SH3GL2: variants seen among roughly 807,000 people sequenced by gnomAD.
SH3GL2 encodes SH3 domain containing GRB2 like 2, endophilin A1.
SH3GL2 carries 24 observed loss-of-function variants against 46.0 expected under a neutral mutation model. The ratio of observed to expected loss-of-function variants is 0.52; its 90% CI spans 0.38 to 0.73. The LOEUF (loss-of-function observed/expected upper bound fraction) is 0.73. Ranked by LOEUF, SH3GL2 falls within the 30% of genes least tolerant of loss-of-function variation. SH3GL2 has a pLI of 0.00. For synonymous variants in SH3GL2, 196 were observed against 147.1 expected, an observed-to-expected ratio of 1.33 and a Z score of -2.40; for missense variants, 413 against 424.2, an observed-to-expected ratio of 0.97 and a Z score of 0.23.
At chr9:17,701,530 C>T (rs370669350) in intron 1 of SH3GL2, among the ~76,000 whole-genome samples, 1 of 151,930 alleles carries the variant, frequency 6.6e-6, no homozygotes, top group East Asian at 1.9e-4. Flanking sequence ...AAATAATTAC[C>T]GTCATTCGAT....
intron 1 of SH3GL2, among the ~76,000 whole-genome samples, chr9:17,601,400 A>G (rs1203882407): frequency 6.6e-6 from 1 of 152,074 alleles, no homozygotes; most frequent in African/African-American, 2.4e-5. Flanking sequence ...TTCATGACTC[A>G]TGTTTCCGTT....
At chr9:17,648,968 A>G (rs549662287) in intron 1 of SH3GL2, among the ~76,000 whole-genome samples, 3 of 152,346 alleles carry the variant, frequency 2.0e-5, no homozygotes, top group South Asian at 2.1e-4. Flanking sequence ...GATCTTATCT[A>G]TCTCTGAATA....
chr9:17,756,394 T>G (rs1382827871), intron 2 of SH3GL2, among the ~76,000 whole-genome samples: 1 of 152,030 alleles, frequency 6.6e-6, no homozygotes, highest in East Asian at 1.9e-4. Flanking sequence ...GTTACATATG[T>G]ATACATGTGC....
chr9:17,713,087 A>G (rs1415526623), intron 1 of SH3GL2, among the ~76,000 whole-genome samples: 1 of 150,962 alleles, frequency 6.6e-6, no homozygotes, highest in African/African-American at 2.4e-5. Flanking sequence ...TTTTTTTTAA[A>G]TCAAAAGTAG....
intron 1 of SH3GL2, among the ~76,000 whole-genome samples, chr9:17,631,488 C>T (rs146535379): frequency 1.5e-3 from 221 of 152,276 alleles, no homozygotes; most frequent in African/African-American, 5.2e-3. Flanking sequence ...AACAAGATTT[C>T]TGGCAGTTCT....
chr9:17,771,383 A>G (rs1823476506), intron 3 of SH3GL2, among the ~76,000 whole-genome samples: 1 of 152,140 alleles, frequency 6.6e-6, no homozygotes, highest in Non-Finnish European at 1.5e-5. Flanking sequence ...AATATTATGC[A>G]CCTTCCTTTC....
intron 1 of SH3GL2, among the ~76,000 whole-genome samples, chr9:17,664,158 G>T (rs1450028103): frequency 6.6e-6 from 1 of 152,184 alleles, no homozygotes; most frequent in Non-Finnish European, 1.5e-5. Context: ...TAAAGAAATA[G>T]TTGGAGTGCT....
At chr9:17,700,868 C>A (rs1821327724) in intron 1 of SH3GL2, among the ~76,000 whole-genome samples, 1 of 152,118 alleles carries the variant, frequency 6.6e-6, no homozygotes, top group Non-Finnish European at 1.5e-5. Context: ...ATGGCAAAAA[C>A]TGCAATTATG....
chr9:17,584,550 G>A (rs144389817), intron 1 of SH3GL2, among the ~76,000 whole-genome samples: 1 of 152,134 alleles, frequency 6.6e-6, no homozygotes, highest in African/African-American at 2.4e-5. Flanking sequence ...GAAAGTGGAT[G>A]TTTCTTACAA....
At chr9:17,755,801 C>G (rs936165779) in intron 2 of SH3GL2, 1 of 983,936 alleles carries the variant, frequency 1.0e-6, no homozygotes, top group South Asian at 4.7e-5. Flanking sequence ...CACCTAAGTT[C>G]AGGAAATACC....
chr9:17,687,513 A>G (rs1563812646), intron 1 of SH3GL2, among the ~76,000 whole-genome samples: 1 of 151,958 alleles, frequency 6.6e-6, no homozygotes, highest in Non-Finnish European at 1.5e-5. Flanking sequence ...AAAAAATTTC[A>G]ATTGTAAATA....
At chr9:17,749,092 T>C (rs1440001739) in intron 2 of SH3GL2, among the ~76,000 whole-genome samples, 1 of 152,142 alleles carries the variant, frequency 6.6e-6, no homozygotes, top group Non-Finnish European at 1.5e-5. Flanking sequence ...CCTTCAGAAG[T>C]CTGGAAAACC....
intron 1 of SH3GL2, among the ~76,000 whole-genome samples, chr9:17,724,528 C>T (rs913820654): frequency 6.6e-6 from 1 of 152,010 alleles, no homozygotes; most frequent in African/African-American, 2.4e-5. Flanking sequence ...CATCCCCCCT[C>T]CCCCCGTGTA....
intron 1 of SH3GL2, among the ~76,000 whole-genome samples, chr9:17,670,374 A>G (rs943163154): frequency 6.6e-6 from 1 of 152,172 alleles, no homozygotes; most frequent in African/African-American, 2.4e-5. Context: ...CTGTGCCCTC[A>G]CTATCTGCCT....
intron 2 of SH3GL2, among the ~76,000 whole-genome samples, chr9:17,759,937 A>G (rs1188704754): frequency 6.6e-6 from 1 of 152,216 alleles, no homozygotes; most frequent in Non-Finnish European, 1.5e-5. Flanking sequence ...GAGTTTCAGC[A>G]TATTTGTTCC....
At chr9:17,698,278 A>G (rs750887768) in intron 1 of SH3GL2, among the ~76,000 whole-genome samples, 3 of 152,146 alleles carry the variant, frequency 2.0e-5, no homozygotes, top group African/African-American at 4.8e-5. Flanking sequence ...CTGCCTCTGA[A>G]TTTCTGACTC....
intron 1 of SH3GL2, among the ~76,000 whole-genome samples, chr9:17,653,078 C>A (rs1313633241): frequency 1.3e-5 from 2 of 152,126 alleles, no homozygotes; most frequent in African/African-American, 2.4e-5. Context: ...CTGGTTGAAT[C>A]ATGGTTTTCT....
intron 1 of SH3GL2, among the ~76,000 whole-genome samples, chr9:17,657,113 G>T (rs1820103327): frequency 1.3e-5 from 2 of 152,170 alleles, no homozygotes; most frequent in Non-Finnish European, 2.9e-5. Flanking sequence ...ATAGAGAAAA[G>T]TAGTCTGAAA....
rs532674858 is a variant in SH3GL2 at position 17,677,933 on chromosome 9, C to T, written c.46-69133C>T. On this transcript the variant is annotated intron_variant, in intron 1 of 8. Coordinates refer to ENST00000380607, the MANE Select transcript of SH3GL2 (RefSeq NM_003026.5). ...TGAGAATGATGGTTTCCAGCTTCAT[C>T]CATGTCCCTACAAAGGACATGAACT... Among the ~76,000 whole-genome samples, 19 of 152,238 alleles carry T rather than the reference C, an allele frequency of 1.2e-4. No homozygotes were observed. The South Asian group carries it at 3.7e-3, about 30-fold the overall frequency.
Sources: gnomAD v4.1 joint callset for allele counts (sites outside exome capture counted in the v4.1 genomes callset) on GRCh38, gnomAD v4.1.1 for gene constraint, MANE v1.5 for transcripts, NCBI Gene and HGNC (gene_info 2026-07-23, HGNC 2026-07-21) for gene names.